The following IL3RA variants were observed in gnomAD, a reference collection of about 807,000 sequenced individuals.
The protein encoded by IL3RA is interleukin 3 receptor subunit alpha, also known as interleukin-3 receptor subunit alpha.
In IL3RA, 73 loss-of-function variants were observed where a neutral mutation model predicts 52.3. That is an observed-to-expected ratio of 1.40 (90% CI 1.16 to 1.70). The LOEUF (loss-of-function observed/expected upper bound fraction) is 1.70. Ranked by LOEUF, IL3RA falls within the 40% of genes most tolerant of loss-of-function variation. The pLI is 0.00. For missense variants in IL3RA, 664 were observed against 504.4 expected, an observed-to-expected ratio of 1.32 and a Z score of -3.03; for synonymous variants, 260 against 194.0, an observed-to-expected ratio of 1.34 and a Z score of -2.83.
intron 9 of IL3RA, among the ~76,000 whole-genome samples, chrX:1,367,771 G>A: frequency 7.0e-6 from 1 of 142,476 alleles, no homozygotes; most frequent in African/African-American, 2.6e-5. Context: ...CGCCGGGTGA[G>A]CGGGGTGCGC....
At chrX:1,363,764 C>T (rs1267769974) in intron 8 of IL3RA, among the ~76,000 whole-genome samples, 18 of 151,534 alleles carry the variant, frequency 1.2e-4, no homozygotes, top group Admixed American at 2.6e-4. Flanking sequence ...CTGTCACCCA[C>T]GCTAGAGTGC....
rs17879157 is a variant in IL3RA, at chrX:1,346,086, G to A, written c.183+652G>A. Among the ~76,000 whole-genome samples the A allele has an allele frequency of 7.7e-3, 1,165 of 151,570 alleles. 11 individuals carry two copies. The highest frequency in any genetic ancestry group is 0.013 in the Non-Finnish European group (885 of 67,894). ...TCCCAGCACTTTGGGAGGCTGAGGC[G>A]GGCGGATCATGAGGTCAGGAGTTCG... On this transcript the variant is annotated intron_variant, in intron 3 of 11. Transcript: ENST00000331035.
Position 1,352,276 on chromosome X carries a change from G to T in IL3RA, c.431+44G>T, listed in dbSNP as rs755208129. The T allele has an allele frequency of 2.5e-6, 4 of 1,613,158 alleles. No individual in the cohort carries two copies. The South Asian group carries it at 4.4e-5, about 18-fold the overall frequency. ...AGAGGCCGGGCTGTCCCTGGTGCGGGTGCCATCGGCGTGGGGTCGTCCCCC... is the reference window on the plus strand; with the variant it reads ...AGAGGCCGGGCTGTCCCTGGTGCGGTTGCCATCGGCGTGGGGTCGTCCCCC... On this transcript the variant is annotated intron_variant, in intron 5 of 11. Coordinates refer to ENST00000331035, the MANE Select transcript of IL3RA (RefSeq NM_002183.4).
intron 4 of IL3RA, among the ~76,000 whole-genome samples, 192 bp downstream of exon 4, chrX:1,348,737 T>TA: frequency 7.9e-6 from 1 of 126,574 alleles, no homozygotes. Flanking sequence ...TCTTTTTCTT[T>TA]CTTTCTTTCC....
chrX:1,348,646 CTT>C lies in IL3RA; in HGVS notation c.298+103_298+104del, dbSNP rs1418074758. 2.3e-3 allele frequency: 650 copies of C among 282,278 alleles called. 14 individuals are homozygous for C. The highest frequency in any genetic ancestry group is 3.1e-3 in the Non-Finnish European group (525 of 166,716). 17.5% of individuals were successfully genotyped at this position (282,278 alleles called of 1,614,324 possible). A position where few individuals can be genotyped will look rare whatever the true frequency, so the allele number is the denominator to read the frequency against. ...TGTGTCTTTTTTCTTTTCTTTTTCT[CTT>C]TCTTTCTTTCTTTCTTTCTTTCTTT... On this transcript the variant is annotated intron_variant, in intron 4 of 11. Coordinates refer to ENST00000331035, the MANE Select transcript of IL3RA (RefSeq NM_002183.4).
intron 6 of IL3RA, 133 bp from the exon 7 acceptor site, chrX:1,356,088 T>G (rs1890321316): frequency 1.5e-6 from 1 of 651,858 alleles, no homozygotes; most frequent in South Asian, 1.9e-5. Flanking sequence ...TCTTCCTTCC[T>G]GGTGTTTTTC....
At chrX:1,381,246 A>G (rs1419879817) in intron 11 of IL3RA, 142 bp downstream of exon 11, 1 of 753,172 alleles carries the variant, frequency 1.3e-6, no homozygotes, top group Non-Finnish European at 2.3e-6. Context: ...TAAAAATACA[A>G]AATTAGCCGG....
intron 8 of IL3RA, among the ~76,000 whole-genome samples, chrX:1,362,457 T>C (rs1314726109): frequency 6.6e-6 from 1 of 151,880 alleles, no homozygotes; most frequent in Non-Finnish European, 1.5e-5. Flanking sequence ...TCTGTCTCTC[T>C]CTGTTTCTAT....
chrX:1,365,421 G>A (rs1203151877), intron 9 of IL3RA, among the ~76,000 whole-genome samples, 169 bp downstream of exon 9: 1 of 71,344 alleles, frequency 1.4e-5, no homozygotes, highest in Admixed American at 1.3e-4. Context: ...CGGGGTGAGC[G>A]GGGTGAGCGG....
chrX:1,341,630 C>A, intron 1 of IL3RA, 98 bp from the exon 2 acceptor site: 1 of 878,280 alleles, frequency 1.1e-6, no homozygotes, highest in Non-Finnish European at 1.8e-6. Flanking sequence ...GCTCCTTCTG[C>A]TGTGAGCACC....
intron 4 of IL3RA, among the ~76,000 whole-genome samples, chrX:1,350,028 G>A (rs183732112): frequency 7.9e-4 from 120 of 152,270 alleles, no homozygotes; most frequent in Non-Finnish European, 1.3e-3. Flanking sequence ...ACTCCAGAGC[G>A]TGACACACAC....
chrX:1,352,731 T>TAGAG (rs1288394210), intron 6 of IL3RA, among the ~76,000 whole-genome samples: 1 of 150,438 alleles, frequency 6.6e-6, no homozygotes, highest in African/African-American at 2.5e-5. Flanking sequence ...TCACGTGGTG[T>TAGAG]AGAGAGAGAG....
intron 9 of IL3RA, among the ~76,000 whole-genome samples, chrX:1,365,855 G>C (rs2087960788): frequency 2.6e-5 from 1 of 38,278 alleles, no homozygotes. Flanking sequence ...GGGTGAGCGG[G>C]GTGAGCGGGG....
In IL3RA at chrX:1,365,155, C is replaced by T. The variant is rs1289885074; in HGVS notation, c.777C>T (p.Ser259=). Residue 259 remains serine (S), a synonymous_variant, in exon 9 of 12, where the codon TCC becomes TCT. Transcript: ENST00000331035. The part of the protein sequence containing the change: ...VITEQVRDRT[S]FQLLNPGTYT... ...AACCACAGGTCAGAGACAGAACCTCCTTCCAGCTACTCAATCCTGGAACGT... is the reference window on the plus strand; with the variant it reads ...AACCACAGGTCAGAGACAGAACCTCTTTCCAGCTACTCAATCCTGGAACGT... 11 of 1,609,864 alleles carry T rather than the reference C, an allele frequency of 6.8e-6. No individual in the cohort carries two copies. The highest frequency in any genetic ancestry group is 1.1e-5 in the South Asian group (1 of 91,042).
chrX:1,341,970 C>T, intron 2 of IL3RA, 141 bp downstream of exon 2: 1 of 875,936 alleles, frequency 1.1e-6, no homozygotes, highest in East Asian at 2.4e-5. Flanking sequence ...GGGAATGACT[C>T]AGACACTTCC....
chrX:1,357,690 AATT>A (rs2086842400), intron 7 of IL3RA, among the ~76,000 whole-genome samples: 1 of 152,000 alleles, frequency 6.6e-6, no homozygotes, highest in African/African-American at 2.4e-5. Context: ...CTCAAATACT[AATT>A]ATTTCATATG....
chrX:1,356,293 G>C lies in IL3RA; in HGVS notation c.689G>C (p.Ser230Thr), dbSNP rs774743520. 3.1e-6 allele frequency: 5 copies of C among 1,613,600 alleles called. No homozygotes were observed. Among genetic ancestry groups the C allele is most frequent in the Admixed American group, 1.7e-5 (1 of 59,978 alleles). Residue 230 changes from serine to threonine, a missense_variant, in exon 7 of 12, where the codon AGT (serine) becomes ACT (threonine). By Grantham distance (58) the Ser-to-Thr change is moderately conservative. Transcript: ENST00000331035. ...TCCTTTATGCACTGGAAAATGAGAA[G>C]TCATTTCAATCGCAAATTTCGCTAT... ...THSFMHWKMR[S>T]HFNRKFRYEL...
chrX:1,381,939 TTTTGTTTTG>T lies in IL3RA; in HGVS notation c.1063-443_1063-435del, dbSNP rs1156438124. Among the ~76,000 whole-genome samples the T allele has an allele frequency of 8.6e-5, 13 of 150,474 alleles. No homozygotes were observed. In the East Asian group the frequency reaches 1.2e-3, roughly 14 times the overall value. On this transcript the variant is annotated intron_variant, in intron 11 of 11. Transcript: ENST00000331035. Reference sequence around the variant, plus strand: ...ATCTCTGTCAGAGTTTTTTGTTTTGTTTTGTTTTGTTTGTTTTTGTTTTTGAGACGCAGT... The same window carrying T: ...ATCTCTGTCAGAGTTTTTTGTTTTGTTTTGTTTTTGTTTTTGAGACGCAGT...
At chrX:1,350,777 C>T (rs9803416) in intron 4 of IL3RA, among the ~76,000 whole-genome samples, 112,774 of 148,802 alleles carry the variant, frequency 0.76, 42,755 homozygotes, top group Middle Eastern at 0.83. Context: ...CACATGCCTG[C>T]AGTCCCAGCT....
Sources: allele counts gnomAD v4.1 joint callset (sites outside exome capture counted in the v4.1 genomes callset), GRCh38; gene constraint gnomAD v4.1.1; transcripts MANE v1.5; gene names NCBI Gene and HGNC (gene_info 2026-07-23, HGNC 2026-07-21).